Variants in PTPRN2 observed in about 807,000 individuals in gnomAD.
The protein encoded by PTPRN2 is protein tyrosine phosphatase receptor type N2, also known as receptor-type tyrosine-protein phosphatase N2.
A neutral mutation model predicts 118.8 loss-of-function variants in PTPRN2; 74 were observed. The observed-to-expected ratio is 0.62, with a 90% CI of 0.52 to 0.76. The LOEUF is 0.76. Among genes scored for constraint, PTPRN2 ranks in the 30% least tolerant of loss-of-function variants. The pLI is 0.00. For missense variants in PTPRN2, 1,481 were observed against 1,394.4 expected (o/e 1.06, Z -0.99); for synonymous variants, 641 against 608.0 (o/e 1.05, Z -0.80).
rs534994749 is a variant in PTPRN2, at chr7:157,614,560, G to A, written c.2344+6802C>T. 4.6e-5 allele frequency among the ~76,000 whole-genome samples: 7 copies of A among 152,324 alleles called. No individual in the cohort carries two copies. In the East Asian group the frequency reaches 5.8e-4, roughly 13 times the overall value. ...CAAAACAGACAACAGATAACAGACC[G>A]TGTTGTAGAGAAAGCGGCGGGAGTC... On this transcript the variant is annotated intron_variant, in intron 15 of 22. Transcript: ENST00000389418.
At chr7:158,089,270 G>T (rs1382312748) in intron 10 of PTPRN2, among the ~76,000 whole-genome samples, 6 of 20,772 alleles carry the variant, frequency 2.9e-4, no homozygotes, top group Non-Finnish European at 5.7e-4. Flanking sequence ...CCTCCCCTGA[G>T]GAAAGAGGGA....
In PTPRN2 at chr7:158,077,512, T is replaced by G. The variant is rs536891214; in HGVS notation, c.1723+3786A>C. Among the ~76,000 whole-genome samples, 480 of 139,040 alleles carry G rather than the reference T, an allele frequency of 3.5e-3. 2 individuals are homozygous for G. Among genetic ancestry groups the G allele is most frequent in the African/African-American group, 0.014 (466 of 33,442 alleles). 91.2% of individuals were successfully genotyped at this position (139,040 alleles called of 152,430 possible). ...AACTGCTCAGGACAGGAGCCCCCCA[T>G]GAGCCTCACCCCACCATTCAGGGTC... On this transcript the variant is annotated intron_variant, in intron 11 of 22. Transcript: ENST00000389418.
In PTPRN2 at chr7:157,801,238, C is replaced by T. The variant is rs1472813563; in HGVS notation, c.1788+97435G>A. 6.6e-6 allele frequency among the ~76,000 whole-genome samples: 1 copy of T among 152,112 alleles called. No homozygotes were observed. The highest frequency in any genetic ancestry group is 6.6e-5 in the Admixed American group (1 of 15,262). ...TACGCCAGACCAGAAACTGAACCGA[C>T]GCTGAAAGTATCAGGCCTTCCGCTT... On this transcript the variant is annotated intron_variant, in intron 12 of 22. Coordinates refer to ENST00000389418, the MANE Select transcript of PTPRN2 (RefSeq NM_002847.5). The surrounding 1 kb of genome is among the most constrained non-coding windows in gnomAD (Gnocchi z 4.2).
intron 13 of PTPRN2, among the ~76,000 whole-genome samples, chr7:157,667,579 C>A (rs564141831): frequency 1.2e-3 from 190 of 152,364 alleles, no homozygotes; most frequent in African/African-American, 4.4e-3. Flanking sequence ...GACCCTCTGG[C>A]CACTCTGTCC....
chr7:157,555,468 G>A lies in PTPRN2; in HGVS notation c.2903-6449C>T, dbSNP rs181991361. ...CCTGGACTCTGGCTCTTGGCTGACC[G>A]AGCTGTGTGATTCAGCTCATGGCCC... On this transcript the variant is annotated intron_variant, in intron 21 of 22. Transcript: ENST00000389418. Among the ~76,000 whole-genome samples, 7 of 152,250 alleles carry A rather than the reference G, an allele frequency of 4.6e-5. No homozygotes were observed. In the East Asian group the frequency reaches 1.2e-3, roughly 25 times the overall value.
Position 158,521,562 on chromosome 7 carries a change from A to C in PTPRN2, c.113-31777T>G, listed in dbSNP as rs10274858. ...TCCGCATCGGAATGGTGGACTGTCC[A>C]GGTACTGGCTCAGGGGGGAGGTCCA... On this transcript the variant is annotated intron_variant, in intron 1 of 22. Coordinates refer to ENST00000389418, the MANE Select transcript of PTPRN2 (RefSeq NM_002847.5). 2.3e-3 allele frequency among the ~76,000 whole-genome samples: 147 copies of C among 64,160 alleles called. 42 individuals are homozygous for C. Among genetic ancestry groups the C allele is most frequent in the South Asian group, 5.4e-3 (7 of 1,304 alleles). The allele number at this position is 64,160 out of a possible 152,430, so 42.1% of individuals were successfully genotyped here.
chr7:158,040,857 C>T (rs538123736), intron 11 of PTPRN2, among the ~76,000 whole-genome samples: 9 of 151,848 alleles, frequency 5.9e-5, no homozygotes, highest in East Asian at 1.9e-4. Context: ...CTCAGCCTCC[C>T]GAGTAGCTGG....
Position 158,565,253 on chromosome 7 carries a change from T to A in PTPRN2, c.112+22305A>T, listed in dbSNP as rs1586951506. On this transcript the variant is annotated intron_variant, in intron 1 of 22. Coordinates refer to ENST00000389418, the MANE Select transcript of PTPRN2 (RefSeq NM_002847.5). This position sits in a 1 kb window ranked among gnomAD's most constrained non-coding sequence, Gnocchi z 4.6. ...CTATACAGGCATATTTGTGGCTACA[T>A]AAACATAGATTATCAGAATGGAACT... Among the ~76,000 whole-genome samples the A allele has an allele frequency of 1.3e-5, 2 of 152,194 alleles. No individual in the cohort carries two copies. The highest frequency in any genetic ancestry group is 6.5e-5 in the Admixed American group (1 of 15,290).
At chr7:157,907,145 A>G (rs1008189488) in intron 11 of PTPRN2, among the ~76,000 whole-genome samples, 2 of 152,184 alleles carry the variant, frequency 1.3e-5, no homozygotes, top group African/African-American at 4.8e-5. Flanking sequence ...ACCACCTTCA[A>G]GGTGGGTGTG....
At chr7:158,071,389 T>TGGA (rs1563390976) in intron 11 of PTPRN2, among the ~76,000 whole-genome samples, 1 of 84,366 alleles carries the variant, frequency 1.2e-5, no homozygotes, top group Non-Finnish European at 2.5e-5. Context: ...GTGCTCGTGG[T>TGGA]GGAGGTGCTC....
At chr7:158,435,335 A>G (rs549019568) in intron 2 of PTPRN2, among the ~76,000 whole-genome samples, 2 of 152,344 alleles carry the variant, frequency 1.3e-5, no homozygotes, top group South Asian at 4.1e-4. Context: ...AATGGACTGC[A>G]GGTATACAAC....
chr7:157,741,152 G>T (rs973216453), intron 12 of PTPRN2, among the ~76,000 whole-genome samples: 2 of 152,280 alleles, frequency 1.3e-5, no homozygotes, highest in Middle Eastern at 3.4e-3. Context: ...GACGGCAAAG[G>T]CCCTGTCCAC....
In PTPRN2 at chr7:157,583,454, G is replaced by T. The variant is rs1046679512; in HGVS notation, c.2497-5314C>A. On this transcript the variant is annotated intron_variant, in intron 17 of 22. Coordinates refer to ENST00000389418, the MANE Select transcript of PTPRN2 (RefSeq NM_002847.5). This position sits in a 1 kb window ranked among gnomAD's most constrained non-coding sequence, Gnocchi z 5.5. ...GCACAGAGATTTGCCAGGAGAGTAGGCTTCAGGTGCTTCACCACACACAAA... is the reference window on the plus strand; with the variant it reads ...GCACAGAGATTTGCCAGGAGAGTAGTCTTCAGGTGCTTCACCACACACAAA... 1.2e-4 allele frequency among the ~76,000 whole-genome samples: 18 copies of T among 152,134 alleles called. No individual in the cohort carries two copies. The highest frequency in any genetic ancestry group is 4.3e-4 in the African/African-American group (18 of 41,446).
At chr7:158,168,001 A>G (rs1823186086) in intron 5 of PTPRN2, among the ~76,000 whole-genome samples, 1 of 152,162 alleles carries the variant, frequency 6.6e-6, no homozygotes, top group African/African-American at 2.4e-5. Flanking sequence ...TGTGTTTTCA[A>G]TTCTCTTGGG....
At chr7:157,669,014 G>A (rs1281243896) in intron 13 of PTPRN2, among the ~76,000 whole-genome samples, 1 of 152,258 alleles carries the variant, frequency 6.6e-6, no homozygotes, top group Non-Finnish European at 1.5e-5. Context: ...AGCAAGGCCA[G>A]CTGGGAGCAG....
intron 3 of PTPRN2, among the ~76,000 whole-genome samples, chr7:158,294,876 A>G (rs1304199472): frequency 1.4e-5 from 2 of 142,174 alleles, no homozygotes; most frequent in African/African-American, 5.4e-5. Context: ...GTCTAAGCCC[A>G]TGGGGCCCGC....
chr7:158,234,002 C>A (rs117124062), intron 3 of PTPRN2, among the ~76,000 whole-genome samples: 3 of 151,960 alleles, frequency 2.0e-5, no homozygotes, highest in African/African-American at 7.3e-5. Flanking sequence ...ATATAAGACC[C>A]GAAACTATGA....
Position 157,622,324 on chromosome 7 carries a change from C to G in PTPRN2, c.2197-815G>C, listed in dbSNP as rs547673546. On this transcript the variant is annotated intron_variant, in intron 14 of 22. Transcript: ENST00000389418. The surrounding 1 kb of genome is among the most constrained non-coding windows in gnomAD (Gnocchi z 5.3). ...GACACAGGTTCCAAGTGTGTCCACA[C>G]GAGAAAATAAAGCATGCATGTGTAC... 1.3e-5 allele frequency among the ~76,000 whole-genome samples: 2 copies of G among 151,888 alleles called. No individual in the cohort carries two copies. The highest frequency in any genetic ancestry group is 3.9e-4 in the East Asian group (2 of 5,114).
Position 157,987,332 on chromosome 7 carries a change from G to A in PTPRN2, c.1724-88595C>T, listed in dbSNP as rs1011852009. On this transcript the variant is annotated intron_variant, in intron 11 of 22. Transcript: ENST00000389418. This position sits in a 1 kb window ranked among gnomAD's most constrained non-coding sequence, Gnocchi z 4.3. Reference sequence around the variant, plus strand: ...GGGCGAGGTTACCAGTCACTAAAGGGAAAGGGGGCGTGATGACCAGTCACT... The same window carrying A: ...GGGCGAGGTTACCAGTCACTAAAGGAAAAGGGGGCGTGATGACCAGTCACT... Among the ~76,000 whole-genome samples the A allele has an allele frequency of 1.3e-5, 2 of 149,754 alleles. No homozygotes were observed. The highest frequency in any genetic ancestry group is 4.9e-5 in the African/African-American group (2 of 40,518).
Sources: allele counts gnomAD v4.1 joint callset (sites outside exome capture counted in the v4.1 genomes callset), GRCh38; gene constraint gnomAD v4.1.1; non-coding constraint Gnocchi (gnomAD v3.1); transcripts MANE v1.5; gene names NCBI Gene and HGNC (gene_info 2026-07-23, HGNC 2026-07-21).